The following SLC8A1 variants were observed in gnomAD, a reference collection of about 807,000 sequenced individuals.
SLC8A1 encodes the protein sodium/calcium exchanger 1.
In SLC8A1, 18 loss-of-function variants were observed where a neutral mutation model predicts 68.3. The ratio of observed to expected loss-of-function variants is 0.26; its 90% CI spans 0.18 to 0.39. SLC8A1 has a LOEUF of 0.39. SLC8A1 is among the 10% of genes least tolerant of loss of function. The probability of loss-of-function intolerance (pLI) is 1.00; values close to 1 mark genes in which losing one functional copy is unlikely to be tolerated. For missense variants in SLC8A1, 985 were observed against 1,156.7 expected, an observed-to-expected ratio of 0.85 and a Z score of 2.15; for synonymous variants, 475 against 415.5, an observed-to-expected ratio of 1.14 and a Z score of -1.74.
chr2:40,414,923 C>G (rs1038886447), intron 2 of SLC8A1, among the ~76,000 whole-genome samples: 3 of 152,104 alleles, frequency 2.0e-5, no homozygotes, highest in African/African-American at 7.2e-5. Context: ...AGAGAAAACT[C>G]TTTGCAGTTG....
intron 2 of SLC8A1, among the ~76,000 whole-genome samples, chr2:40,351,647 G>A (rs1208724262): frequency 1.3e-5 from 2 of 151,188 alleles, no homozygotes; most frequent in African/African-American, 4.9e-5. Context: ...GACAGACCAA[G>A]AACTCACAAA....
chr2:40,279,607 C>A (rs141067418), intron 2 of SLC8A1, among the ~76,000 whole-genome samples: 1 of 152,258 alleles, frequency 6.6e-6, no homozygotes, highest in Non-Finnish European at 1.5e-5. Context: ...TTCGGAGATG[C>A]TATATTTGAT....
Position 40,139,390 on chromosome 2 carries a change from G to GT in SLC8A1, c.2437+10dup. On this transcript the variant is annotated intron_variant, in intron 7 of 7. Transcript: ENST00000406785. Reference sequence around the variant, plus strand: ...GCTACTGGGGGAATTATACATGAATGTAATTTGTACCTGGCACTGATGTTC... The same window carrying GT: ...GCTACTGGGGGAATTATACATGAATGTTAATTTGTACCTGGCACTGATGTTC... 9 of 1,613,442 alleles carry GT rather than the reference G, an allele frequency of 5.6e-6. No homozygotes were observed. Among genetic ancestry groups the GT allele is most frequent in the Non-Finnish European group, 7.6e-6 (9 of 1,179,496 alleles).
At chr2:40,205,270 ATCG>A (rs2055179223) in intron 2 of SLC8A1, among the ~76,000 whole-genome samples, 1 of 45,128 alleles carries the variant, frequency 2.2e-5, no homozygotes, top group African/African-American at 6.9e-5. Flanking sequence ...AAATAAAAAC[ATCG>A]TTTATAAGTC....
intron 2 of SLC8A1, among the ~76,000 whole-genome samples, chr2:40,314,549 G>A (rs534213520): frequency 6.6e-6 from 1 of 151,706 alleles, no homozygotes. Flanking sequence ...AATGCTTATT[G>A]GGATTTTCAC....
intron 2 of SLC8A1, among the ~76,000 whole-genome samples, chr2:40,327,630 T>C (rs1035488628): frequency 2.0e-5 from 3 of 152,160 alleles, no homozygotes; most frequent in Non-Finnish European, 2.9e-5. Flanking sequence ...CTGGAGGTCA[T>C]TATCTTCAGT....
At position 40,300,446 on chromosome 2, in the gene SLC8A1, T is replaced by TA. The variant is rs544363643; in HGVS notation, c.1809-122592dup. Among the ~76,000 whole-genome samples the TA allele has an allele frequency of 6.4e-4, 96 of 150,920 alleles. 1 individual carries two copies. Among genetic ancestry groups the TA allele is most frequent in the African/African-American group, 2.1e-3 (88 of 41,176 alleles). ...TTAAAATCCAGAATGTTCCATTCCA[T>TA]AAAAAAAAAGACATTCTACATTTCT... On this transcript the variant is annotated intron_variant, in intron 2 of 7. Transcript: ENST00000406785.
intron 2 of SLC8A1, among the ~76,000 whole-genome samples, chr2:40,402,740 C>T (rs559204782): frequency 2.6e-5 from 4 of 152,280 alleles, no homozygotes; most frequent in African/African-American, 9.6e-5. Flanking sequence ...AGAGTTTCCA[C>T]CCAATCTTGT....
chr2:40,496,728 C>T (rs965155935), intron 1 of SLC8A1, among the ~76,000 whole-genome samples: 5 of 151,872 alleles, frequency 3.3e-5, no homozygotes, highest in African/African-American at 1.2e-4. Flanking sequence ...GTTACTCACC[C>T]ACAGCCTACA....
intron 2 of SLC8A1, among the ~76,000 whole-genome samples, chr2:40,299,985 G>T (rs1462934483): frequency 6.6e-6 from 1 of 152,054 alleles, no homozygotes; most frequent in Non-Finnish European, 1.5e-5. Flanking sequence ...TTTGGGAAAG[G>T]AATTGCGCAT....
Position 40,404,703 on chromosome 2 carries a change from C to T in SLC8A1, c.1808+23770G>A, listed in dbSNP as rs139337929. On this transcript the variant is annotated intron_variant, in intron 2 of 7. Coordinates refer to ENST00000406785, the Ensembl canonical transcript of SLC8A1. ...ATCTGAAAGTAAAACTAGAGCATTT[C>T]GGCAGTTTCAAGTTGGCACGAGTGC... Among the ~76,000 whole-genome samples the T allele has an allele frequency of 5.3e-5, 8 of 152,198 alleles. No homozygotes were observed. The East Asian group carries it at 9.7e-4, about 18-fold the overall frequency.
At chr2:40,194,356 T>C (rs1180982286) in intron 2 of SLC8A1, among the ~76,000 whole-genome samples, 1 of 151,964 alleles carries the variant, frequency 6.6e-6, no homozygotes, top group African/African-American at 2.4e-5. Context: ...GTGAGAGAAT[T>C]ACAACCAAGA....
chr2:40,434,345 C>A (rs1176971368), intron 1 of SLC8A1, among the ~76,000 whole-genome samples: 1 of 152,160 alleles, frequency 6.6e-6, no homozygotes, highest in Non-Finnish European at 1.5e-5. Flanking sequence ...ACTTAAATTT[C>A]TTTTTCTTAT....
chr2:40,423,696 G>C (rs1364338136), intron 2 of SLC8A1, among the ~76,000 whole-genome samples: 1 of 151,928 alleles, frequency 6.6e-6, no homozygotes, highest in Non-Finnish European at 1.5e-5. Context: ...GATTATAATA[G>C]CAAATATGGC....
chr2:40,176,171 C>CT (rs1050742967), intron 3 of SLC8A1, among the ~76,000 whole-genome samples: 2 of 152,094 alleles, frequency 1.3e-5, no homozygotes, highest in Non-Finnish European at 2.9e-5. Flanking sequence ...GTTACAGTTA[C>CT]TTTTTTGGGC....
intron 1 of SLC8A1, among the ~76,000 whole-genome samples, chr2:40,475,243 C>T (rs1426389500): frequency 2.0e-5 from 3 of 152,122 alleles, no homozygotes; most frequent in East Asian, 3.9e-4. Flanking sequence ...ACGCCATTCT[C>T]CTGCCTCAGC....
chr2:40,362,750 T>C (rs993990619), intron 2 of SLC8A1, among the ~76,000 whole-genome samples: 3 of 152,170 alleles, frequency 2.0e-5, no homozygotes, highest in African/African-American at 4.8e-5. Flanking sequence ...ATTTACATCA[T>C]AGTTGCATCC....
At chr2:40,415,911 C>CAT (rs1553595286) in intron 2 of SLC8A1, among the ~76,000 whole-genome samples, 27 of 133,686 alleles carry the variant, frequency 2.0e-4, no homozygotes, top group East Asian at 2.3e-4. Context: ...CACACACACA[C>CAT]ATTAGCTGGG....
At chr2:40,204,863 T>C (rs2055091233) in intron 2 of SLC8A1, among the ~76,000 whole-genome samples, 1 of 152,042 alleles carries the variant, frequency 6.6e-6, no homozygotes, top group Admixed American at 6.6e-5. Flanking sequence ...CTGCACTTCT[T>C]AATGTGGGTT....
Sources: allele counts gnomAD v4.1 joint callset (sites outside exome capture counted in the v4.1 genomes callset), GRCh38; gene constraint gnomAD v4.1.1; transcripts MANE v1.5; gene names NCBI Gene and HGNC (gene_info 2026-07-23, HGNC 2026-07-21).